Variants in KLHL13 observed in about 807,000 individuals in gnomAD.
KLHL13 encodes the protein kelch-like protein 13.
In KLHL13, 10 loss-of-function variants were observed where a neutral mutation model predicts 37.1. That is an observed-to-expected ratio of 0.27 (90% confidence interval 0.17 to 0.46). The LOEUF is 0.46. Ranked by LOEUF, KLHL13 falls within the 20% of genes least tolerant of loss-of-function variation. The pLI is 1.00. For missense variants in KLHL13, 360 were observed against 509.3 expected (o/e 0.71, Z 2.82); for synonymous variants, 163 against 181.2 (o/e 0.90, Z 0.81).
intron 1 of KLHL13, among the ~76,000 whole-genome samples, chrX:118,013,828 A>C (rs2054097030): frequency 8.9e-6 from 1 of 112,509 alleles, no homozygotes; most frequent in Non-Finnish European, 1.9e-5. Flanking sequence ...TCAATTCCCA[A>C]AATTAATACT....
intron 1 of KLHL13, among the ~76,000 whole-genome samples, chrX:118,023,026 T>C (rs1013938724): frequency 8.9e-6 from 1 of 111,977 alleles, no homozygotes; most frequent in Non-Finnish European, 1.9e-5. Flanking sequence ...CCTTACACTT[T>C]GGTATGTAAT....
chrX:117,992,750 CCCCAGCACTCCCCTTTTCTTTCTAAACT>C (rs1348787568), intron 1 of KLHL13, among the ~76,000 whole-genome samples: 1 of 111,188 alleles, frequency 9.0e-6, no homozygotes, highest in East Asian at 2.8e-4. Context: ...ATTTGATTAC[CCCCAGCACTCCCCTTTTCTTTCTAAACT>C]CTTTCAGCAG....
At chrX:117,980,026 C>A (rs898247140) in intron 1 of KLHL13, among the ~76,000 whole-genome samples, 2 of 111,957 alleles carry the variant, frequency 1.8e-5, no homozygotes, top group African/African-American at 6.5e-5. Context: ...AAGAATATGG[C>A]TCTATTGAAT....
At chrX:117,982,126 C>T (rs1282327881) in intron 1 of KLHL13, among the ~76,000 whole-genome samples, 1 of 108,956 alleles carries the variant, frequency 9.2e-6, no homozygotes. Flanking sequence ...GGCCACAAGA[C>T]CATTATAATC....
chrX:117,924,009 T>G lies in KLHL13; in HGVS notation c.241-3639A>C, dbSNP rs765579493. Among the ~76,000 whole-genome samples, 41 of 111,985 alleles carry G rather than the reference T, an allele frequency of 3.7e-4. 1 individual carries two copies. The highest frequency in any genetic ancestry group is 1.3e-3 in the African/African-American group (41 of 30,911). Reference sequence around the variant, plus strand: ...GGCAAGTTATCTGCTTTTGTAAGGTTTTACATTTATTTTCACAACATACAG... The same window carrying G: ...GGCAAGTTATCTGCTTTTGTAAGGTGTTACATTTATTTTCACAACATACAG... On this transcript the variant is annotated intron_variant, in intron 2 of 6. Transcript: ENST00000262820.
chrX:117,980,836 G>C (rs182102597), intron 1 of KLHL13, among the ~76,000 whole-genome samples: 222 of 111,220 alleles, frequency 2.0e-3, no homozygotes, highest in African/African-American at 6.8e-3. Flanking sequence ...CTTCAAAAAA[G>C]GCTCAATTTC....
chrX:118,090,473 C>CTGT (rs946741700), intron 1 of KLHL13, among the ~76,000 whole-genome samples: 1 of 111,548 alleles, frequency 9.0e-6, no homozygotes, highest in African/African-American at 3.3e-5. Flanking sequence ...TGAAGGATAT[C>CTGT]AACAGACACT....
intron 1 of KLHL13, among the ~76,000 whole-genome samples, chrX:118,097,165 T>C (rs1316628494): frequency 9.0e-6 from 1 of 111,587 alleles, no homozygotes; most frequent in Non-Finnish European, 1.9e-5. Flanking sequence ...GACATGATTA[T>C]ATATCTAGAA....
chrX:117,968,827 G>A (rs780058839), intron 1 of KLHL13, among the ~76,000 whole-genome samples: 2 of 111,191 alleles, frequency 1.8e-5, no homozygotes, highest in Non-Finnish European at 3.8e-5. Flanking sequence ...ATAGAAACAT[G>A]TCAAATTTAG....
intron 2 of KLHL13, among the ~76,000 whole-genome samples, chrX:117,943,800 G>C (rs945620834): frequency 3.7e-5 from 4 of 109,365 alleles, no homozygotes; most frequent in Non-Finnish European, 7.6e-5. Context: ...GGAGTTTGCT[G>C]TTACCTACCT....
intron 1 of KLHL13, among the ~76,000 whole-genome samples, chrX:118,104,904 A>G (rs1279371987): frequency 8.9e-6 from 1 of 112,817 alleles, no homozygotes; most frequent in Non-Finnish European, 1.9e-5. Flanking sequence ...TGAGTGAATT[A>G]TATCTTAATA....
At chrX:117,900,360 C>T (rs57681739) in intron 6 of KLHL13, among the ~76,000 whole-genome samples, 4,744 of 111,817 alleles carry the variant, frequency 0.042, 244 homozygotes, top group African/African-American at 0.15. Flanking sequence ...TTTTGAAAAT[C>T]AGCTATAGTT....
At chrX:118,098,054 G>A (rs1400142092) in intron 1 of KLHL13, among the ~76,000 whole-genome samples, 1 of 111,717 alleles carries the variant, frequency 9.0e-6, no homozygotes, top group Non-Finnish European at 1.9e-5. Context: ...AAAAGCAATG[G>A]CAACAAAAAC....
intron 1 of KLHL13, among the ~76,000 whole-genome samples, chrX:117,967,880 C>A (rs1001545395): frequency 1.7e-4 from 19 of 111,464 alleles, no homozygotes; most frequent in African/African-American, 5.2e-4. Context: ...GATTGTAAGG[C>A]CTTCAAAAAG....
In KLHL13 at chrX:118,035,220, G is replaced by C. The variant is rs2054421417; in HGVS notation, c.-56+81288C>G. ...CTATTCCAATCAATAGAAAAAGAGG[G>C]AATCCTCCCTAACTCATTTTATGAG... On this transcript the variant is annotated intron_variant, in intron 1 of 6. Transcript: ENST00000371882. 1.1e-4 allele frequency among the ~76,000 whole-genome samples: 11 copies of C among 103,726 alleles called. No homozygotes were observed. The South Asian group carries it at 4.3e-3, about 40-fold the overall frequency. The allele number at this position is 103,726 out of a possible 115,157, so 90.1% of individuals were successfully genotyped here. A position where few individuals can be genotyped will look rare whatever the true frequency, so the allele number is the denominator to read the frequency against.
At chrX:118,092,517 T>A (rs921878751) in intron 1 of KLHL13, among the ~76,000 whole-genome samples, 1 of 111,407 alleles carries the variant, frequency 9.0e-6, no homozygotes, top group Non-Finnish European at 1.9e-5. Context: ...AAACTAAGAT[T>A]TTGTCACCAG....
intron 1 of KLHL13, among the ~76,000 whole-genome samples, chrX:118,045,811 A>C (rs766916712): frequency 6.3e-5 from 7 of 111,197 alleles, no homozygotes; most frequent in Non-Finnish European, 1.1e-4. Context: ...TGTCTCCAAA[A>C]AATAAAAATA....
intron 6 of KLHL13, among the ~76,000 whole-genome samples, chrX:117,900,512 A>C (rs775865509): frequency 1.6e-3 from 177 of 112,014 alleles, no homozygotes; most frequent in Non-Finnish European, 1.5e-3. Flanking sequence ...CACATAAAAT[A>C]GATAGATGGT....
At chrX:117,951,188 C>T (rs969036896) in intron 1 of KLHL13, among the ~76,000 whole-genome samples, 2 of 111,197 alleles carry the variant, frequency 1.8e-5, no homozygotes, top group African/African-American at 3.3e-5. Context: ...TTGAAAAAAT[C>T]GGGAACAAAA....
Sources: gnomAD v4.1 joint callset for allele counts (sites outside exome capture counted in the v4.1 genomes callset) on GRCh38, gnomAD v4.1.1 for gene constraint, MANE v1.5 for transcripts, NCBI Gene and HGNC (gene_info 2026-07-23, HGNC 2026-07-21) for gene names.